The following RBFOX1 variants were observed in gnomAD, a reference collection of about 807,000 sequenced individuals.
The protein encoded by RBFOX1 is RNA binding fox-1 homolog 1.
A neutral mutation model predicts 57.7 loss-of-function variants in RBFOX1; 8 were observed. The ratio of observed to expected loss-of-function variants is 0.14; its 90% CI spans 0.08 to 0.25. The LOEUF is 0.25. RBFOX1 is among the 10% of genes least tolerant of loss of function. The pLI is 1.00. For synonymous variants in RBFOX1, 326 were observed against 222.4 expected, an observed-to-expected ratio of 1.47 and a Z score of -4.15; for missense variants, 611 against 548.5, an observed-to-expected ratio of 1.11 and a Z score of -1.14.
At chr16:7,294,141 G>T (rs1477297968) in intron 4 of RBFOX1, among the ~76,000 whole-genome samples, 1 of 152,074 alleles carries the variant, frequency 6.6e-6, no homozygotes, top group Non-Finnish European at 1.5e-5. Flanking sequence ...ACAGAGAGTG[G>T]GTGGGGTGGA....
chr16:7,693,381 C>G (rs1232863325), intron 14 of RBFOX1: 2 of 1,579,322 alleles, frequency 1.3e-6, no homozygotes, highest in Non-Finnish European at 8.7e-7. Flanking sequence ...ACAAACGTTG[C>G]TACTTCTTGA....
chr16:7,215,337 T>C (rs1244710151), intron 4 of RBFOX1, among the ~76,000 whole-genome samples: 1 of 152,228 alleles, frequency 6.6e-6, no homozygotes, highest in Admixed American at 6.5e-5. Flanking sequence ...CAAAGTATTA[T>C]AAATCATTCT....
At chr16:6,238,950 T>A (rs1201940186) in intron 1 of RBFOX1, among the ~76,000 whole-genome samples, 2 of 152,368 alleles carry the variant, frequency 1.3e-5, no homozygotes, top group African/African-American at 4.8e-5. Context: ...AACTTATTTT[T>A]GACCATAGTC....
At chr16:6,404,618 G>C (rs916948142) in intron 2 of RBFOX1, among the ~76,000 whole-genome samples, 1 of 152,092 alleles carries the variant, frequency 6.6e-6, no homozygotes, top group Non-Finnish European at 1.5e-5. Flanking sequence ...GTCCTAGTTT[G>C]CTTGGGACGG....
intron 4 of RBFOX1, among the ~76,000 whole-genome samples, chr16:7,386,948 T>C (rs1323646433): frequency 4.6e-5 from 7 of 152,222 alleles, no homozygotes; most frequent in African/African-American, 1.4e-4. Context: ...TATCTCATTG[T>C]GGTTTTGATT....
At chr16:6,886,796 A>AG (rs2064151831) in intron 3 of RBFOX1, among the ~76,000 whole-genome samples, 1 of 151,840 alleles carries the variant, frequency 6.6e-6, no homozygotes, top group South Asian at 2.1e-4. Context: ...AAAAAAAACC[A>AG]GAAAAAAAAA....
At position 6,802,567 on chromosome 16, in the gene RBFOX1, C is replaced by T. The variant is rs375403038; in HGVS notation, c.-16+147917C>T. Among the ~76,000 whole-genome samples the T allele has an allele frequency of 4.6e-5, 7 of 152,228 alleles. No individual in the cohort carries two copies. The South Asian group carries it at 1.2e-3, about 27-fold the overall frequency. On this transcript the variant is annotated intron_variant, in intron 3 of 15. Transcript: ENST00000550418. ...TGGTGCACACCTGTAATCCCAGATA[C>T]TTGGGAGGGTGAGGCAGGAGAATCG...
At chr16:6,373,385 G>A (rs996301824) in intron 2 of RBFOX1, among the ~76,000 whole-genome samples, 3 of 150,348 alleles carry the variant, frequency 2.0e-5, no homozygotes, top group Admixed American at 6.6e-5. Context: ...AGTTTTTTAG[G>A]ATCACTGGGT....
intron 3 of RBFOX1, among the ~76,000 whole-genome samples, chr16:6,929,821 T>C (rs1027522700): frequency 1.3e-5 from 2 of 152,342 alleles, no homozygotes; most frequent in African/African-American, 4.8e-5. Context: ...CATGCTGTTT[T>C]AATTCAAATA....
intron 3 of RBFOX1, among the ~76,000 whole-genome samples, chr16:6,674,763 G>A (rs1657095870): frequency 6.6e-6 from 1 of 152,170 alleles, no homozygotes; most frequent in African/African-American, 2.4e-5. Context: ...ACCAGCAGAA[G>A]CTACAAGAGG....
chr16:5,537,769 G>A (rs995606903), intron 2 of RBFOX1, among the ~76,000 whole-genome samples: 1 of 152,140 alleles, frequency 6.6e-6, no homozygotes, highest in Non-Finnish European at 1.5e-5. Context: ...CTGCTTCTAA[G>A]ACCTCATGTA....
chr16:7,271,359 C>T (rs555862215), intron 4 of RBFOX1, among the ~76,000 whole-genome samples: 1 of 151,720 alleles, frequency 6.6e-6, no homozygotes, highest in Non-Finnish European at 1.5e-5. Flanking sequence ...TTGGGGGGAG[C>T]TCGTATCAAA....
At chr16:5,756,351 C>T (rs1278659833) in intron 3 of RBFOX1, among the ~76,000 whole-genome samples, 3 of 151,278 alleles carry the variant, frequency 2.0e-5, no homozygotes, top group Non-Finnish European at 4.4e-5. Context: ...TAGGACTTAA[C>T]CTAGCAAAAC....
intron 1 of RBFOX1, among the ~76,000 whole-genome samples, chr16:6,089,280 G>C (rs369189611): frequency 6.6e-6 from 1 of 152,080 alleles, no homozygotes; most frequent in Non-Finnish European, 1.5e-5. Context: ...TAATGATTCA[G>C]CTGAGTCTTA....
chr16:6,441,077 A>T (rs2094368568), intron 2 of RBFOX1, among the ~76,000 whole-genome samples: 1 of 152,190 alleles, frequency 6.6e-6, no homozygotes, highest in African/African-American at 2.4e-5. Flanking sequence ...AGTGATGACC[A>T]GAGTCATGGC....
intron 3 of RBFOX1, among the ~76,000 whole-genome samples, chr16:6,712,505 G>A (rs1325486779): frequency 6.6e-6 from 1 of 152,044 alleles, no homozygotes; most frequent in Non-Finnish European, 1.5e-5. Flanking sequence ...CCATCTCAGT[G>A]GATGGTATTA....
intron 3 of RBFOX1, among the ~76,000 whole-genome samples, chr16:6,831,790 C>T (rs1316783924): frequency 6.6e-6 from 1 of 152,062 alleles, no homozygotes; most frequent in Admixed American, 6.6e-5. Flanking sequence ...GAAGGAGGGA[C>T]AGTGGGAAGA....
At chr16:7,196,440 A>T (rs1481847433) in intron 4 of RBFOX1, among the ~76,000 whole-genome samples, 1 of 152,158 alleles carries the variant, frequency 6.6e-6, no homozygotes, top group Non-Finnish European at 1.5e-5. Context: ...CATTCAGACC[A>T]TTGCCAACAC....
chr16:6,775,822 ATG>A (rs1479608782), intron 3 of RBFOX1: 3 of 152,204 alleles, frequency 2.0e-5, no homozygotes, highest in Non-Finnish European at 2.9e-5. Context: ...ATGGAAATCC[ATG>A]TGTCTTATGA....
Sources: allele counts gnomAD v4.1 joint callset (sites outside exome capture counted in the v4.1 genomes callset), GRCh38; gene constraint gnomAD v4.1.1; transcripts MANE v1.5; gene names NCBI Gene and HGNC (gene_info 2026-07-23, HGNC 2026-07-21).